ZNF813: variants seen among roughly 807,000 people sequenced by gnomAD.
The protein encoded by ZNF813 is zinc finger protein 813.
Under a neutral mutation model 7.2 loss-of-function variants are expected in ZNF813, and 3 were observed. The ratio of observed to expected loss-of-function variants is 0.42; its 90% confidence interval spans 0.19 to 1.08. The LOEUF (loss-of-function observed/expected upper bound fraction) is 1.08, where lower values mean the gene tolerates loss of function less well. Among genes scored for constraint, ZNF813 ranks in the 50% least tolerant of loss-of-function variants. The pLI, the probability that ZNF813 is intolerant of heterozygous loss-of-function variation, is 0.30. For synonymous variants in ZNF813, 227 were observed against 256.3 expected, an observed-to-expected ratio of 0.89 and a Z score of 1.09; for missense variants, 714 against 753.3, an observed-to-expected ratio of 0.95 and a Z score of 0.61.
intron 1 of ZNF813, among the ~76,000 whole-genome samples, chr19:53,478,369 G>C (rs28513412): frequency 6.6e-6 from 1 of 151,758 alleles, no homozygotes; most frequent in African/African-American, 2.4e-5. Context: ...AACGGGTTTC[G>C]CTATGTTTCC....
chr19:53,474,138 A>T (rs151142180), intron 1 of ZNF813, among the ~76,000 whole-genome samples: 3 of 152,208 alleles, frequency 2.0e-5, no homozygotes, highest in Non-Finnish European at 4.4e-5. Flanking sequence ...GTCACTTCTC[A>T]TGCTTTTTCT....
chr19:53,468,868 C>A (rs540078882), intron 1 of ZNF813, among the ~76,000 whole-genome samples: 4 of 145,194 alleles, frequency 2.8e-5, no homozygotes, highest in Admixed American at 2.7e-4. Context: ...TGCAAAGAGG[C>A]CTTCCTCTTT....
In ZNF813 at chr19:53,494,307, T is replaced by A. The variant is rs1393978402; in HGVS notation, c.*2221T>A. 1.3e-5 allele frequency: 2 copies of A among 152,086 alleles called. No homozygotes were observed. The highest frequency in any genetic ancestry group is 2.9e-5 in the Non-Finnish European group (2 of 68,024). 9.4% of individuals were successfully genotyped at this position (152,086 alleles called of 1,614,324 possible). A position where few individuals can be genotyped will look rare whatever the true frequency, so the allele number is the denominator to read the frequency against. ...TACGAATCTGTTATGTCTGAACAGGTCCTAGTTTGAGGCACCCAGAAGGAT... is the reference window on the plus strand; with the variant it reads ...TACGAATCTGTTATGTCTGAACAGGACCTAGTTTGAGGCACCCAGAAGGAT... On this transcript the variant is annotated 3_prime_UTR_variant, in exon 4 of 4. Coordinates refer to ENST00000396403, the MANE Select transcript of ZNF813 (RefSeq NM_001004301.4).
chr19:53,492,482 G>A lies in ZNF813; in HGVS notation c.*396G>A. 2.3e-6 allele frequency: 1 copy of A among 439,152 alleles called. No individual in the cohort carries two copies. The highest frequency in any genetic ancestry group is 5.7e-5 in the East Asian group (1 of 17,392). The allele number at this position is 439,152 out of a possible 1,614,324, so 27.2% of individuals were successfully genotyped here. A position where few individuals can be genotyped will look rare whatever the true frequency, so the allele number is the denominator to read the frequency against. On this transcript the variant is annotated 3_prime_UTR_variant, in exon 4 of 4. Transcript: ENST00000396403. ...TAAAATTGTAAGAGTTCGTGACAAG[G>A]CTTTCGGGCATGACTCACACCTGGC...
chr19:53,478,557 C>T (rs1433384720), intron 1 of ZNF813, among the ~76,000 whole-genome samples: 2 of 152,120 alleles, frequency 1.3e-5, no homozygotes, highest in Non-Finnish European at 2.9e-5. Context: ...GTGAGTGGGT[C>T]ACCTAAGGTG....
At chr19:53,471,580 C>G (rs189188953) in intron 1 of ZNF813, among the ~76,000 whole-genome samples, 2 of 151,872 alleles carry the variant, frequency 1.3e-5, no homozygotes, top group Non-Finnish European at 2.9e-5. Context: ...GAGGCTGATG[C>G]GGGTGGATCA....
chr19:53,480,305 CA>C (rs1378986483), intron 1 of ZNF813: 6 of 692,286 alleles, frequency 8.7e-6, no homozygotes, highest in African/African-American at 1.8e-5. Flanking sequence ...AGAACCTTTG[CA>C]AACAACATTT....
In ZNF813 at chr19:53,491,891, T is replaced by C. The variant is rs987048237; in HGVS notation, c.1659T>C (p.Cys553=). 10 of 1,612,958 alleles carry C rather than the reference T, an allele frequency of 6.2e-6. No homozygotes were observed. The highest frequency in any genetic ancestry group is 2.2e-5 in the East Asian group (1 of 44,822). Residue 553 remains cysteine, a synonymous_variant, in exon 4 of 4, where the codon TGT becomes TGC. Transcript: ENST00000396403. Reference sequence around the variant, plus strand: ...ATACTGGAGATAAACCTTACAAGTGTAATGAATGTGGCAAGGTTTTTAATC... The same window carrying C: ...ATACTGGAGATAAACCTTACAAGTGCAATGAATGTGGCAAGGTTTTTAATC... ...RLHTGDKPYK[C]NECGKVFNQK... is the part of the protein sequence containing the mutation.
At chr19:53,468,639 C>T (rs1349753237) in intron 1 of ZNF813, among the ~76,000 whole-genome samples, 2 of 152,092 alleles carry the variant, frequency 1.3e-5, no homozygotes, top group African/African-American at 4.8e-5. Flanking sequence ...GGTACTGTGC[C>T]CAGATGTGCA....
intron 1 of ZNF813, among the ~76,000 whole-genome samples, chr19:53,481,466 C>T (rs979752775): frequency 2.7e-5 from 4 of 150,492 alleles, no homozygotes; most frequent in African/African-American, 9.8e-5. Flanking sequence ...CCTGCCTCAG[C>T]CTCCCAAGTT....
intron 1 of ZNF813, among the ~76,000 whole-genome samples, chr19:53,475,159 A>G (rs1278254242): frequency 6.6e-6 from 1 of 152,130 alleles, no homozygotes; most frequent in Non-Finnish European, 1.5e-5. Flanking sequence ...ATATAGTTCC[A>G]TGTACATGCA....
At chr19:53,483,858 G>T (rs1243414921) in intron 2 of ZNF813, 21 bp downstream of exon 2, 1 of 1,613,944 alleles carries the variant, frequency 6.2e-7, no homozygotes, top group Non-Finnish European at 8.5e-7. Context: ...ATTTTTGGTG[G>T]ATTGTTCTGT....
intron 1 of ZNF813, among the ~76,000 whole-genome samples, chr19:53,482,730 T>G (rs1048828234): frequency 4.3e-5 from 6 of 138,298 alleles, no homozygotes; most frequent in African/African-American, 1.4e-4. Context: ...TTTTTTTTTT[T>G]TTTTTTTTTG....
chr19:53,485,591 T>TCATGATATATACATGC (rs1401244923), intron 2 of ZNF813, among the ~76,000 whole-genome samples: 6 of 150,766 alleles, frequency 4.0e-5, no homozygotes, highest in East Asian at 2.0e-4. Context: ...ATGACATATG[T>TCATGATATATACATGC]ATGTCATGAT....
At chr19:53,479,468 C>G in intron 1 of ZNF813, 2 of 1,499,132 alleles carry the variant, frequency 1.3e-6, no homozygotes, top group Non-Finnish European at 1.8e-6. Context: ...GAAAGGTGGG[C>G]CCGGGAACAG....
chr19:53,480,364 TAAAA>T (rs35502614), intron 1 of ZNF813, among the ~76,000 whole-genome samples: 1 of 142,148 alleles, frequency 7.0e-6, no homozygotes, highest in Non-Finnish European at 1.5e-5. Flanking sequence ...TGTTGTGATG[TAAAA>T]AAAAAAAAAA....
chr19:53,482,958 G>T (rs1242261654), intron 1 of ZNF813, among the ~76,000 whole-genome samples: 1 of 151,080 alleles, frequency 6.6e-6, no homozygotes, highest in African/African-American at 2.4e-5. Context: ...TGTCACCCAG[G>T]CTGGAGTGCA....
chr19:53,474,301 G>A (rs1330093850), intron 1 of ZNF813, among the ~76,000 whole-genome samples: 1 of 152,200 alleles, frequency 6.6e-6, no homozygotes, highest in East Asian at 1.9e-4. Context: ...ATTCTTGGGG[G>A]CCAAGTGGGC....
At chr19:53,483,871 C>G (rs761195385) in intron 2 of ZNF813, 34 bp downstream of exon 2, 1 of 1,613,950 alleles carries the variant, frequency 6.2e-7, no homozygotes. Context: ...TGTTCTGTCT[C>G]CTTCCCCTCA....
Sources: gnomAD v4.1 joint callset for allele counts (sites outside exome capture counted in the v4.1 genomes callset) on GRCh38, gnomAD v4.1.1 for gene constraint, MANE v1.5 for transcripts, NCBI Gene and HGNC (gene_info 2026-07-23, HGNC 2026-07-21) for gene names.